The following ADAMTS7 variants were observed in gnomAD, a reference collection of about 807,000 sequenced individuals.
ADAMTS7 encodes the protein ADAM metallopeptidase with thrombospondin type 1 motif 7.
ADAMTS7 carries 89 observed loss-of-function variants against 172.6 expected under a neutral mutation model. That is an observed-to-expected ratio of 0.52 (90% CI 0.43 to 0.61). The LOEUF (loss-of-function observed/expected upper bound fraction) is 0.61, where lower values mean the gene tolerates loss of function less well. ADAMTS7 is among the 20% of genes least tolerant of loss of function. The probability of loss-of-function intolerance (pLI) is 0.00; values close to 1 mark genes in which losing one functional copy is unlikely to be tolerated. For missense variants in ADAMTS7, 1,973 were observed against 2,355.6 expected (o/e 0.84, Z 3.36); for synonymous variants, 885 against 978.4 (o/e 0.90, Z 1.78).
chr15:78,776,627 G>C (rs2055349677), intron 10 of ADAMTS7, 122 bp downstream of exon 10: 8 of 1,063,606 alleles, frequency 7.5e-6, no homozygotes, highest in Middle Eastern at 2.5e-4. Context: ...GGGCTGCAGA[G>C]AGCGTGGGGC....
At chr15:78,807,399 A>T (rs1359922565) in intron 1 of ADAMTS7, among the ~76,000 whole-genome samples, 3 of 152,250 alleles carry the variant, frequency 2.0e-5, no homozygotes, top group African/African-American at 4.8e-5. Context: ...ATCCTGGGCA[A>T]ATATTGCAAG....
rs1287833477 is a variant in ADAMTS7 at position 78,765,776 on chromosome 15, A to T, written c.4135T>A (p.Trp1379Arg). ...LSSRLLSTPAWDSPANSHRVP... is the reference protein window; with the variant it reads ...LSSRLLSTPARDSPANSHRVP... Reference sequence around the variant, plus strand: ...CTGTGGCTGTTGGCGGGGCTGTCCCAAGCTGGTGTGGACAGCAGCCTAGAG... The same window carrying T: ...CTGTGGCTGTTGGCGGGGCTGTCCCTAGCTGGTGTGGACAGCAGCCTAGAG... Residue 1379 changes from tryptophan to arginine, a missense_variant, in exon 19 of 24, where the codon TGG becomes AGG. Trp to Arg is a moderately radical substitution (Grantham distance 101, BLOSUM62 -3). This residue lies in a region of ADAMTS7 where 771 missense variants were observed against 952.6 expected (regional missense o/e 0.81). Coordinates refer to ENST00000388820, the MANE Select transcript of ADAMTS7 (RefSeq NM_014272.5). The T allele has an allele frequency of 5.0e-6, 8 of 1,608,778 alleles. No individual in the cohort carries two copies. In the Admixed American group the frequency reaches 8.4e-5, roughly 17 times the overall value.
intron 12 of ADAMTS7, 129 bp from the exon 13 acceptor site, chr15:78,774,429 G>C: frequency 7.2e-7 from 1 of 1,385,782 alleles, no homozygotes; most frequent in Non-Finnish European, 9.6e-7. Context: ...CATGCTGGAG[G>C]CTCCGGCTGG....
In ADAMTS7 at chr15:78,776,807, G is replaced by A; in HGVS notation, c.1502C>T (p.Thr501Ile). 1 of 1,551,236 alleles carries A rather than the reference G, an allele frequency of 6.4e-7. No individual in the cohort carries two copies. Among genetic ancestry groups the A allele is most frequent in the Non-Finnish European group, 8.7e-7 (1 of 1,146,638 alleles). The change falls in exon 10 of 24, where the codon ACC (threonine) becomes ATC (isoleucine). Residue 501 changes from threonine to isoleucine, a missense_variant. Coordinates refer to ENST00000388820, the MANE Select transcript of ADAMTS7 (RefSeq NM_014272.5). ...TGCATCCAGCTTGGAGTGACAGGTG[G>A]TCCCCACAGAGCACCAGAGTGTGTG... Reference protein sequence around the residue: ...VCHTLWCSVGTTCHSKLDAAV... With the variant: ...VCHTLWCSVGITCHSKLDAAV...
chr15:78,759,559 C>G lies in ADAMTS7; in HGVS notation c.4923G>C (p.Leu1641=). ...GCAGCGTCTCGCAGAACCCGAAGGA[C>G]AGGCGGTCCCGCTCACAGCCTGGAG... ...VEPPRCERDR[L]SFGFCETLRL... Residue 1641 remains leucine, a synonymous_variant, in exon 24 of 24, where the codon CTG becomes CTC. Coordinates refer to ENST00000388820, the MANE Select transcript of ADAMTS7 (RefSeq NM_014272.5). 4 of 1,589,986 alleles carry G rather than the reference C, an allele frequency of 2.5e-6. No individual in the cohort carries two copies. Among genetic ancestry groups the G allele is most frequent in the Non-Finnish European group, 3.4e-6 (4 of 1,173,860 alleles).
Position 78,776,346 on chromosome 15 carries a change from A to G in ADAMTS7, c.1561-13T>C. Reference sequence around the variant, plus strand: ...CACTGAGACACCACTACTGAGACAGACGGAGGTAGAGCCACCCCACCCCCA... The same window carrying G: ...CACTGAGACACCACTACTGAGACAGGCGGAGGTAGAGCCACCCCACCCCCA... On this transcript the variant is annotated splice_polypyrimidine_tract_variant and intron_variant, in intron 10 of 23. Transcript: ENST00000388820. 13 of 1,607,866 alleles carry G rather than the reference A, an allele frequency of 8.1e-6. No homozygotes were observed. The highest frequency in any genetic ancestry group is 1.1e-5 in the Non-Finnish European group (13 of 1,177,390).
At chr15:78,772,160 C>T (rs2055262221) in intron 14 of ADAMTS7, among the ~76,000 whole-genome samples, 1 of 152,184 alleles carries the variant, frequency 6.6e-6, no homozygotes, top group African/African-American at 2.4e-5. Context: ...CTGGGACACC[C>T]TCCTCATCCC....
At chr15:78,797,749 G>A (rs2055664788) in intron 3 of ADAMTS7, among the ~76,000 whole-genome samples, 199 bp downstream of exon 3, 1 of 152,226 alleles carries the variant, frequency 6.6e-6, no homozygotes, top group Non-Finnish European at 1.5e-5. Context: ...GGGATTGACT[G>A]GGGCAGGCCC....
At position 78,765,738 on chromosome 15, in the gene ADAMTS7, G is replaced by T; in HGVS notation, c.4173C>A (p.Thr1391=). The change falls in exon 19 of 24, where the codon ACC becomes ACA. Residue 1391 remains threonine, a synonymous_variant. Transcript: ENST00000388820. ...SPANSHRVPE[T]QPLAPSLAEA... ...CAGCCAGGCTGGGAGCCAGCGGCTG[G>T]GTCTCAGGGACTCTGTGGCTGTTGG... 1 of 1,610,748 alleles carries T rather than the reference G, an allele frequency of 6.2e-7. No homozygotes were observed. Among genetic ancestry groups the T allele is most frequent in the Non-Finnish European group, 8.5e-7 (1 of 1,179,824 alleles).
In ADAMTS7 at chr15:78,796,364, C is replaced by A. The variant is rs1467484309; in HGVS notation, c.819+226G>T. Among the ~76,000 whole-genome samples the A allele has an allele frequency of 3.3e-5, 5 of 152,252 alleles. No individual in the cohort carries two copies. In the South Asian group the frequency reaches 6.2e-4, roughly 19 times the overall value. On this transcript the variant is annotated intron_variant, in intron 4 of 23. Coordinates refer to ENST00000388820, the MANE Select transcript of ADAMTS7 (RefSeq NM_014272.5). ...CTCCCCCTCCTAGTGGCATGACACC[C>A]TATGGTGTCCCCACAGCAGCCCTCT...
rs531704181 is a variant in ADAMTS7, at chr15:78,791,305, C to T, written c.820-82G>A. On this transcript the variant is annotated intron_variant, in intron 4 of 23. Coordinates refer to ENST00000388820, the MANE Select transcript of ADAMTS7 (RefSeq NM_014272.5). ...ATGCCCACCCCAACCCACCCACCCA[C>T]GCAGGGCAACGCACACCTGTGCTCA... 5.1e-5 allele frequency: 56 copies of T among 1,098,304 alleles called. 1 individual carries two copies. Among genetic ancestry groups the T allele is most frequent in the African/African-American group, 2.2e-4 (14 of 63,712 alleles). The allele number at this position is 1,098,304 out of a possible 1,614,324, so 68.0% of individuals were successfully genotyped here.
At chr15:78,810,480 G>A (rs2055850418) in intron 1 of ADAMTS7, 1 of 152,360 alleles carries the variant, frequency 6.6e-6, no homozygotes, top group Non-Finnish European at 1.5e-5. Context: ...GCGGGGCGGG[G>A]AGAGTTAACC....
At chr15:78,762,158 A>G in intron 23 of ADAMTS7, 2 of 873,416 alleles carry the variant, frequency 2.3e-6, no homozygotes, top group Non-Finnish European at 1.4e-6. Context: ...TACTCCCCCA[A>G]GGTCAGACAG....
chr15:78,803,643 G>A (rs1476908876), intron 1 of ADAMTS7, among the ~76,000 whole-genome samples: 1 of 152,154 alleles, frequency 6.6e-6, no homozygotes, highest in Admixed American at 6.5e-5. Flanking sequence ...AGTAGAGACG[G>A]GGTTTTGCCA....
chr15:78,780,874 G>C (rs1231542585), intron 8 of ADAMTS7, among the ~76,000 whole-genome samples: 1 of 152,178 alleles, frequency 6.6e-6, no homozygotes, highest in Admixed American at 6.5e-5. Flanking sequence ...CATTCCTACA[G>C]ACCCACGAGG....
chr15:78,769,764 C>A (rs570693366), intron 16 of ADAMTS7, among the ~76,000 whole-genome samples: 3 of 152,368 alleles, frequency 2.0e-5, no homozygotes, highest in Admixed American at 2.0e-4. Context: ...TGCAGATGCT[C>A]CCAAGTGGTC....
Position 78,773,310 on chromosome 15 carries a change from G to A in ADAMTS7, c.2011-107C>T, listed in dbSNP as rs1244827121. The stretch of plus-strand genomic sequence containing the variant: ...GAGAAGAAAGCTGGGAGTTGGGGTC[G>A]GGAGGCCTCTCTCTGGCCCTGCCCC... On this transcript the variant is annotated intron_variant, in intron 13 of 23. Transcript: ENST00000388820. 1.5e-5 allele frequency: 17 copies of A among 1,101,028 alleles called. 3 individuals are homozygous for A. Among genetic ancestry groups the A allele is most frequent in the Middle Eastern group, 2.8e-4 (1 of 3,612 alleles). The allele number at this position is 1,101,028 out of a possible 1,614,324, so 68.2% of individuals were successfully genotyped here.
At chr15:78,777,639 G>C (rs372174904) in intron 8 of ADAMTS7, 51 bp from the exon 9 acceptor site, 2 of 1,569,040 alleles carry the variant, frequency 1.3e-6, no homozygotes, top group Non-Finnish European at 1.7e-6. Flanking sequence ...GAGACCCATC[G>C]GAGAAGCCTT....
chr15:78,790,167 T>C (rs1284218850), intron 6 of ADAMTS7, among the ~76,000 whole-genome samples: 2 of 152,074 alleles, frequency 1.3e-5, no homozygotes, highest in Admixed American at 6.5e-5. Context: ...TGCCGGAGGT[T>C]AGGGGAGGAA....
Sources: allele counts gnomAD v4.1 joint callset (sites outside exome capture counted in the v4.1 genomes callset), GRCh38; gene constraint gnomAD v4.1.1; regional missense constraint gnomAD v4.1.1; transcripts MANE v1.5; gene names NCBI Gene and HGNC (gene_info 2026-07-23, HGNC 2026-07-21).